The following ANO2 variants were observed in gnomAD, a reference collection of about 807,000 sequenced individuals.
ANO2 encodes anoctamin 2, also known as anoctamin-2.
A neutral mutation model predicts 124.2 loss-of-function variants in ANO2; 101 were observed. That is an observed-to-expected ratio of 0.81 (90% confidence interval 0.69 to 0.96). The LOEUF (loss-of-function observed/expected upper bound fraction) is 0.96, where lower values mean the gene tolerates loss of function less well. Ranked by LOEUF, ANO2 falls within the 40% of genes least tolerant of loss-of-function variation. The probability of loss-of-function intolerance (pLI) is 0.00; values close to 1 mark genes in which losing one functional copy is unlikely to be tolerated. For missense variants in ANO2, 1,293 were observed against 1,274.5 expected (o/e 1.01, Z -0.22); for synonymous variants, 486 against 482.5 (o/e 1.01, Z -0.09).
At chr12:5,816,324 A>ATT (rs66927312) in intron 7 of ANO2, among the ~76,000 whole-genome samples, 74,654 of 150,428 alleles carry the variant, frequency 0.5, 19,064 homozygotes, top group Admixed American at 0.61. Context: ...CACATTCCTC[A>ATT]TTTTTTTTTT....
At chr12:5,735,578 G>C (rs1266758400) in intron 13 of ANO2, among the ~76,000 whole-genome samples, 2 of 152,190 alleles carry the variant, frequency 1.3e-5, no homozygotes, top group African/African-American at 4.8e-5. Flanking sequence ...AGCAGATGAG[G>C]ATAAGAATAG....
At chr12:5,907,391 A>C (rs1187256115) in intron 3 of ANO2, among the ~76,000 whole-genome samples, 3 of 152,268 alleles carry the variant, frequency 2.0e-5, no homozygotes, top group African/African-American at 4.8e-5. Context: ...AGTGGTATTC[A>C]AACTCATAAT....
At chr12:5,945,687 G>A (rs1274044790), upstream of ANO2, among the ~76,000 whole-genome samples, 5 of 152,254 alleles carry the variant, frequency 3.3e-5, no homozygotes, top group Non-Finnish European at 5.9e-5. Context: ...GTTAGCCCTG[G>A]GGCGGGAGTG....
intron 10 of ANO2, among the ~76,000 whole-genome samples, chr12:5,772,870 G>A (rs1427005521): frequency 6.6e-6 from 1 of 152,232 alleles, no homozygotes; most frequent in Admixed American, 6.5e-5. Context: ...TCCCAAGGGA[G>A]TCCAGGGGAT....
Position 5,565,636 on chromosome 12 carries a change from C to T in ANO2, c.2649G>A (p.Trp883Ter), listed in dbSNP as rs1275414983. ...TCGAAAACTCATAAGGGTTCGGGGC[C>T]CATGGCGGCTCTCGGTAATCCTTAA... is the stretch of plus-strand genomic sequence containing the variant. ...CRFKDYREPPWAPNPYEFSKQ... is the reference protein window; with the variant it reads ...CRFKDYREPP The change falls in exon 24 of 25, where the codon TGG becomes TGA. Residue 883 changes from tryptophan to a stop codon, truncating the protein, a stop_gained. Coordinates refer to ENST00000682330, the MANE Select transcript of ANO2 (RefSeq NM_001364791.2). LOFTEE classifies it high-confidence loss of function. 3 of 1,603,230 alleles carry T rather than the reference C, an allele frequency of 1.9e-6. No homozygotes were observed. Among genetic ancestry groups the T allele is most frequent in the Non-Finnish European group, 2.6e-6 (3 of 1,174,802 alleles).
At chr12:5,604,650 T>C (rs1394362229) in intron 19 of ANO2, among the ~76,000 whole-genome samples, 1 of 152,076 alleles carries the variant, frequency 6.6e-6, no homozygotes, top group African/African-American at 2.4e-5. Flanking sequence ...CCAGTGTGGG[T>C]AGGTCAAAAC....
intron 23 of ANO2, among the ~76,000 whole-genome samples, chr12:5,572,519 C>A (rs963728268): frequency 2.0e-5 from 3 of 152,196 alleles, no homozygotes; most frequent in Non-Finnish European, 4.4e-5. Context: ...TCTGCTGTTG[C>A]CCTATTGTCA....
At chr12:5,937,081 T>G (rs1475537765) in intron 1 of ANO2, among the ~76,000 whole-genome samples, 1 of 152,066 alleles carries the variant, frequency 6.6e-6, no homozygotes, top group African/African-American at 2.4e-5. Flanking sequence ...ATACCCAGAA[T>G]AGGAATTTCT....
chr12:5,653,634 A>G (rs1334740834), intron 14 of ANO2, among the ~76,000 whole-genome samples: 1 of 152,212 alleles, frequency 6.6e-6, no homozygotes, highest in East Asian at 1.9e-4. Flanking sequence ...TTGAACATCA[A>G]ATATGTACCA....
intron 20 of ANO2, among the ~76,000 whole-genome samples, chr12:5,580,720 A>C (rs183245339): frequency 2.0e-4 from 30 of 152,350 alleles, no homozygotes; most frequent in Middle Eastern, 6.8e-3. Flanking sequence ...GAAAGGGAAC[A>C]GGCATGGAAC....
chr12:5,893,542 G>T (rs2136274389), intron 3 of ANO2, among the ~76,000 whole-genome samples: 1 of 150,480 alleles, frequency 6.6e-6, no homozygotes, highest in Admixed American at 6.6e-5. Context: ...GCAGAACGTG[G>T]AGGTTTGTTA....
intron 10 of ANO2, among the ~76,000 whole-genome samples, chr12:5,781,891 A>G (rs1952409306): frequency 6.6e-6 from 1 of 152,220 alleles, no homozygotes. Context: ...GTCTTGGTAA[A>G]TGGTCCATGT....
At chr12:5,584,625 A>G (rs1186836501) in intron 20 of ANO2, among the ~76,000 whole-genome samples, 1 of 152,204 alleles carries the variant, frequency 6.6e-6, no homozygotes, top group Non-Finnish European at 1.5e-5. Flanking sequence ...TTATTTCCTC[A>G]GCCCATATTT....
chr12:5,886,975 GT>G (rs921593639), intron 3 of ANO2, among the ~76,000 whole-genome samples: 32 of 152,174 alleles, frequency 2.1e-4, no homozygotes, highest in African/African-American at 7.2e-4. Flanking sequence ...CAGAGTTTCA[GT>G]TGAGGAAGAC....
At chr12:5,604,018 G>GACCTTGTAC (rs940117602) in intron 19 of ANO2, among the ~76,000 whole-genome samples, 4 of 147,844 alleles carry the variant, frequency 2.7e-5, no homozygotes, top group Non-Finnish European at 6.0e-5. Context: ...TGGCATCAAA[G>GACCTTGTAC]ACCTTGTACA....
At position 5,828,590 on chromosome 12, in the gene ANO2, C is replaced by G. The variant is rs1565703343; in HGVS notation, c.841-770G>C. ...TCATGTCTTAGAGCACAGTCCTAGG[C>G]ACACAGCAGCTGCCGACTCAGTGGC... is the stretch of plus-strand genomic sequence containing the variant. On this transcript the variant is annotated intron_variant, in intron 6 of 24. Coordinates refer to ENST00000682330, the MANE Select transcript of ANO2 (RefSeq NM_001364791.2). 2.0e-5 allele frequency among the ~76,000 whole-genome samples: 3 copies of G among 152,318 alleles called. 1 individual carries two copies. The highest frequency in any genetic ancestry group is 6.8e-3 in the Middle Eastern group (2 of 294).
At position 5,809,920 on chromosome 12, in the gene ANO2, G is replaced by A. The variant is rs150612256; in HGVS notation, c.893-2552C>T. On this transcript the variant is annotated intron_variant, in intron 7 of 24. Coordinates refer to ENST00000682330, the MANE Select transcript of ANO2 (RefSeq NM_001364791.2). ...TATCTCAGTACTCCTCTTGTTCATCGCCTTCCTCACTGCTTTGTTGAGCAT... is the reference window on the plus strand; with the variant it reads ...TATCTCAGTACTCCTCTTGTTCATCACCTTCCTCACTGCTTTGTTGAGCAT... 8.1e-3 allele frequency among the ~76,000 whole-genome samples: 1,240 copies of A among 152,250 alleles called. 19 individuals carry two copies. The highest frequency in any genetic ancestry group is 0.026 in the African/African-American group (1,087 of 41,528).
At chr12:5,575,422 T>C (rs889408895) in intron 23 of ANO2, among the ~76,000 whole-genome samples, 1 of 152,198 alleles carries the variant, frequency 6.6e-6, no homozygotes, top group African/African-American at 2.4e-5. Flanking sequence ...TGTACAGTCG[T>C]GTGTTGCTTA....
intron 16 of ANO2, among the ~76,000 whole-genome samples, chr12:5,628,786 C>T (rs1945548604): frequency 6.6e-6 from 1 of 152,206 alleles, no homozygotes; most frequent in Admixed American, 6.5e-5. Context: ...CATCAATGCA[C>T]ACTCATGCAC....
Sources: allele counts gnomAD v4.1 joint callset (sites outside exome capture counted in the v4.1 genomes callset), GRCh38; gene constraint gnomAD v4.1.1; transcripts MANE v1.5; gene names NCBI Gene and HGNC (gene_info 2026-07-23, HGNC 2026-07-21).